CAST: variants seen among roughly 807,000 people sequenced by gnomAD.
CAST encodes the protein calpastatin.
Under a neutral mutation model 119.6 loss-of-function variants are expected in CAST, and 76 were observed. The observed-to-expected ratio is 0.64, with a 90% CI of 0.53 to 0.77. The LOEUF (loss-of-function observed/expected upper bound fraction) is 0.77, where lower values mean the gene tolerates loss of function less well. Among genes scored for constraint, CAST ranks in the 30% least tolerant of loss-of-function variants. The pLI is 0.00. For missense variants in CAST, 953 were observed against 946.5 expected (o/e 1.01, Z -0.09); for synonymous variants, 319 against 331.6 (o/e 0.96, Z 0.41).
chr5:96,611,813 A>G (rs1330037829), intron 1 of CAST, among the ~76,000 whole-genome samples: 1 of 152,188 alleles, frequency 6.6e-6, no homozygotes, highest in Non-Finnish European at 1.5e-5. Flanking sequence ...AAAAAAAGAC[A>G]TACAAGCAGC....
At chr5:95,968,843 T>A in the CAST span, among the ~76,000 whole-genome samples, 4 of 152,132 alleles carry the variant, frequency 2.6e-5, no homozygotes, top group South Asian at 8.3e-4. Flanking sequence ...TAGGTTAGAA[T>A]ATTTACAGAA....
the CAST span, among the ~76,000 whole-genome samples, chr5:96,214,374 T>C: frequency 4.6e-5 from 7 of 152,292 alleles, no homozygotes; most frequent in South Asian, 1.2e-3. Flanking sequence ...AAAGGCAATA[T>C]TTTAAGTCAA....
At chr5:96,278,283 G>T in the CAST span, among the ~76,000 whole-genome samples, 1 of 152,120 alleles carries the variant, frequency 6.6e-6, no homozygotes, top group Non-Finnish European at 1.5e-5. Flanking sequence ...CCACAGGCTG[G>T]CCTTTTGTCC....
At chr5:96,425,060 G>GAAAT in the CAST span, among the ~76,000 whole-genome samples, 26 of 126,612 alleles carry the variant, frequency 2.1e-4, no homozygotes, top group Admixed American at 3.0e-4. Context: ...AAGAAAGAAA[G>GAAAT]AAAGAAAGAA....
At chr5:96,338,736 G>C in the CAST span, among the ~76,000 whole-genome samples, 7 of 152,192 alleles carry the variant, frequency 4.6e-5, no homozygotes, top group African/African-American at 1.7e-4. Context: ...CAGAGGCCAG[G>C]GGTTTTTGGA....
the CAST span, among the ~76,000 whole-genome samples, chr5:96,494,759 A>G: frequency 3.9e-5 from 6 of 152,332 alleles, no homozygotes; most frequent in South Asian, 1.2e-3. Flanking sequence ...GGAATGACCA[A>G]TACAATCATT....
chr5:96,028,558 T>G, the CAST span, among the ~76,000 whole-genome samples: 2 of 151,996 alleles, frequency 1.3e-5, no homozygotes, highest in Non-Finnish European at 2.9e-5. Context: ...AAATTTAAGA[T>G]GGATAAAAAC....
intron 1 of CAST, among the ~76,000 whole-genome samples, chr5:96,571,044 CA>C (rs1746558279): frequency 6.6e-6 from 1 of 152,234 alleles, no homozygotes; most frequent in Non-Finnish European, 1.5e-5. Context: ...ATGTAGCCAG[CA>C]GAGCTTCATT....
chr5:96,613,016 A>G (rs1050567651), intron 1 of CAST, among the ~76,000 whole-genome samples: 1 of 152,216 alleles, frequency 6.6e-6, no homozygotes, highest in African/African-American at 2.4e-5. Context: ...CCAAATATGT[A>G]TGAGTCTCTT....
At chr5:96,312,770 A>C in the CAST span, among the ~76,000 whole-genome samples, 1 of 152,168 alleles carries the variant, frequency 6.6e-6, no homozygotes, top group Non-Finnish European at 1.5e-5. Context: ...ACTTGCCTAC[A>C]TTGTGCTAAT....
At chr5:96,175,948 C>T in the CAST span, among the ~76,000 whole-genome samples, 33 of 152,218 alleles carry the variant, frequency 2.2e-4, no homozygotes, top group African/African-American at 6.7e-4. Flanking sequence ...AACATCATTC[C>T]GCCTCTAGTA....
chr5:96,473,906 G>A, the CAST span, among the ~76,000 whole-genome samples: 2 of 152,324 alleles, frequency 1.3e-5, no homozygotes, highest in East Asian at 3.9e-4. Context: ...CTCAGAGGAA[G>A]AGTCAGTGTC....
chr5:96,485,971 A>T, the CAST span, among the ~76,000 whole-genome samples: 4 of 152,162 alleles, frequency 2.6e-5, no homozygotes, highest in African/African-American at 7.2e-5. Flanking sequence ...CCTAGAGACA[A>T]CTACAGAAAT....
At chr5:96,190,941 C>G in the CAST span, among the ~76,000 whole-genome samples, 2 of 152,116 alleles carry the variant, frequency 1.3e-5, no homozygotes, top group Admixed American at 6.5e-5. Flanking sequence ...CAATGAGTAC[C>G]TAATATTGAG....
chr5:96,659,750 G>A (rs774394902), upstream of CAST, among the ~76,000 whole-genome samples: 21 of 152,006 alleles, frequency 1.4e-4, no homozygotes, highest in African/African-American at 4.4e-4. Context: ...GGCTGGTCTC[G>A]AACTCCTGAG....
chr5:96,034,798 C>T, the CAST span, among the ~76,000 whole-genome samples: 1 of 150,982 alleles, frequency 6.6e-6, no homozygotes, highest in Non-Finnish European at 1.5e-5. Context: ...CCCTGATAAC[C>T]ACATTCTACT....
the CAST span, among the ~76,000 whole-genome samples, chr5:96,045,841 A>T: frequency 3.9e-5 from 6 of 152,188 alleles, no homozygotes; most frequent in Admixed American, 3.3e-4. Flanking sequence ...AGACAAAAAA[A>T]ATATAGGTAC....
At chr5:96,077,245 A>G in the CAST span, among the ~76,000 whole-genome samples, 4 of 152,266 alleles carry the variant, frequency 2.6e-5, no homozygotes, top group Non-Finnish European at 5.9e-5. Flanking sequence ...CTTTTTCATG[A>G]ATAAATTCTC....
intron 1 of CAST, among the ~76,000 whole-genome samples, chr5:96,634,202 T>C (rs777035593): frequency 5.3e-5 from 8 of 152,160 alleles, no homozygotes; most frequent in Non-Finnish European, 1.2e-4. Context: ...TTGTGGAGTG[T>C]GTATATTTCA....
Sources: allele counts gnomAD v4.1 joint callset (sites outside exome capture counted in the v4.1 genomes callset), GRCh38; gene constraint gnomAD v4.1.1; transcripts MANE v1.5; gene names NCBI Gene and HGNC (gene_info 2026-07-23, HGNC 2026-07-21).